The following SLC1A2 variants were observed in gnomAD, a reference collection of about 807,000 sequenced individuals.
The protein encoded by SLC1A2 is excitatory amino acid transporter 2.
In SLC1A2, 15 loss-of-function variants were observed where a neutral mutation model predicts 48.8. That is an observed-to-expected ratio of 0.31 (90% confidence interval 0.21 to 0.47). The LOEUF (loss-of-function observed/expected upper bound fraction) is 0.47. Ranked by LOEUF, SLC1A2 falls within the 20% of genes least tolerant of loss-of-function variation. SLC1A2 has a pLI of 0.99. For synonymous variants in SLC1A2, 279 were observed against 272.6 expected (o/e 1.02, Z -0.23); for missense variants, 502 against 730.5 (o/e 0.69, Z 3.61).
intron 1 of SLC1A2, among the ~76,000 whole-genome samples, chr11:35,373,018 G>C (rs965984914): frequency 6.6e-6 from 1 of 152,200 alleles, no homozygotes; most frequent in African/African-American, 2.4e-5. Context: ...TGGGGCATCT[G>C]GCTTCTGCCC....
chr11:35,349,009 G>A (rs1161273136), intron 1 of SLC1A2, among the ~76,000 whole-genome samples: 1 of 152,104 alleles, frequency 6.6e-6, no homozygotes, highest in East Asian at 1.9e-4. Context: ...CTTTTGGTTG[G>A]AAGAGGAAAG....
At chr11:35,349,154 T>A (rs1383571029) in intron 1 of SLC1A2, among the ~76,000 whole-genome samples, 1 of 151,776 alleles carries the variant, frequency 6.6e-6, no homozygotes, top group East Asian at 1.9e-4. Flanking sequence ...GAGGCAGGGA[T>A]GTAGATGGGG....
chr11:35,256,902 G>A lies in SLC1A2; in HGVS notation c.*3992C>T, dbSNP rs2134570228. ...TTGTTTTTCAGGAGTCAGAACTATG[G>A]AGAATTCTCTCTGAGCACGGATATA... On this transcript the variant is annotated 3_prime_UTR_variant, in exon 11 of 11. Coordinates refer to ENST00000278379, the MANE Select transcript of SLC1A2 (RefSeq NM_004171.4). The A allele has an allele frequency of 6.6e-6, 1 of 152,258 alleles. No homozygotes were observed. The highest frequency in any genetic ancestry group is 1.9e-4 in the East Asian group (1 of 5,186). The allele number at this position is 152,258 out of a possible 1,614,324, so 9.4% of individuals were successfully genotyped here.
intron 1 of SLC1A2, among the ~76,000 whole-genome samples, chr11:35,326,089 C>G (rs1199359849): frequency 6.6e-6 from 1 of 151,958 alleles, no homozygotes; most frequent in Non-Finnish European, 1.5e-5. Context: ...GCTGCCCTGA[C>G]CAAGGATGGT....
At chr11:35,386,397 C>T (rs980596067) in intron 1 of SLC1A2, among the ~76,000 whole-genome samples, 5 of 152,074 alleles carry the variant, frequency 3.3e-5, no homozygotes, top group Admixed American at 6.6e-5. Context: ...TACCTGTAGA[C>T]GTTGACACCC....
intron 1 of SLC1A2, among the ~76,000 whole-genome samples, chr11:35,350,556 A>G (rs1002740354): frequency 3.9e-5 from 6 of 152,234 alleles, no homozygotes; most frequent in Non-Finnish European, 7.3e-5. Flanking sequence ...AGGTCTCTCC[A>G]GTCAACATAT....
Position 35,254,782 on chromosome 11 carries a change from TG to T in SLC1A2, c.*6111del, listed in dbSNP as rs2134561068. ...AAGCAGTGAGGTCTGTTCCAATAGC[TG>T]GTTTTATTCTCAGCACAAAAGGGCC... On this transcript the variant is annotated 3_prime_UTR_variant, in exon 11 of 11. Transcript: ENST00000278379. The T allele has an allele frequency of 2.2e-6, 1 of 456,166 alleles. No homozygotes were observed. Among genetic ancestry groups the T allele is most frequent in the Non-Finnish European group, 4.4e-6 (1 of 226,928 alleles). 28.3% of individuals were successfully genotyped at this position (456,166 alleles called of 1,614,324 possible).
At chr11:35,307,632 G>T (rs1259571552) in intron 4 of SLC1A2, among the ~76,000 whole-genome samples, 3 of 152,236 alleles carry the variant, frequency 2.0e-5, no homozygotes, top group Non-Finnish European at 4.4e-5. Flanking sequence ...GTACGGGAAA[G>T]TCAAGTGACT....
In SLC1A2 at chr11:35,256,259, AC is replaced by A. The variant is rs1183816520; in HGVS notation, c.*4634del. On this transcript the variant is annotated 3_prime_UTR_variant, in exon 11 of 11. Transcript: ENST00000278379. ...GCTGTGTTATGCTACAAAGTTGGATACTATTTAATCAAGATTCTCTGTTATC... is the reference window on the plus strand; with the variant it reads ...GCTGTGTTATGCTACAAAGTTGGATATATTTAATCAAGATTCTCTGTTATC... 6.6e-6 allele frequency: 1 copy of A among 152,252 alleles called. No homozygotes were observed. Among genetic ancestry groups the A allele is most frequent in the East Asian group, 1.9e-4 (1 of 5,208 alleles). The allele number at this position is 152,252 out of a possible 1,614,324, so 9.4% of individuals were successfully genotyped here.
chr11:35,353,687 T>A (rs1255166010), intron 1 of SLC1A2, among the ~76,000 whole-genome samples: 1 of 152,224 alleles, frequency 6.6e-6, no homozygotes, highest in Admixed American at 6.5e-5. Context: ...AGGGTGGACA[T>A]GAGCTAGACC....
intron 1 of SLC1A2, among the ~76,000 whole-genome samples, chr11:35,397,180 T>C (rs1253598705): frequency 1.3e-5 from 2 of 150,348 alleles, no homozygotes; most frequent in Admixed American, 6.7e-5. Flanking sequence ...AAAAACTACT[T>C]TAAAGTTCAT....
At chr11:35,333,590 G>A (rs539558258) in intron 1 of SLC1A2, among the ~76,000 whole-genome samples, 7 of 152,080 alleles carry the variant, frequency 4.6e-5, no homozygotes, top group East Asian at 3.8e-4. Flanking sequence ...TGTTAATGAC[G>A]AAGAGTTGGA....
chr11:35,419,380 TGGCA>T lies in SLC1A2; in HGVS notation c.-418_-415del, dbSNP rs1565316116. The T allele has an allele frequency of 4.8e-6, 1 of 207,092 alleles. No homozygotes were observed. Among genetic ancestry groups the T allele is most frequent in the African/African-American group, 2.3e-5 (1 of 43,126 alleles). The allele number at this position is 207,092 out of a possible 1,614,324, so 12.8% of individuals were successfully genotyped here. ...GGCGAGTGGCGGGAGCAGAGAGTGG[TGGCA>T]GAGGACGGTGAGCGTGCGTGCGCGT... On this transcript the variant is annotated 5_prime_UTR_variant, in exon 1 of 11. Coordinates refer to ENST00000278379, the MANE Select transcript of SLC1A2 (RefSeq NM_004171.4). The surrounding 1 kb of genome is among the most constrained non-coding windows in gnomAD (Gnocchi z 5.4).
chr11:35,271,427 C>A (rs980772778), intron 9 of SLC1A2, among the ~76,000 whole-genome samples: 1 of 152,148 alleles, frequency 6.6e-6, no homozygotes, highest in Non-Finnish European at 1.5e-5. Context: ...GGCTGGAACA[C>A]TAAGGTCAAC....
At chr11:35,387,783 C>A (rs1854630198) in intron 1 of SLC1A2, among the ~76,000 whole-genome samples, 3 of 151,934 alleles carry the variant, frequency 2.0e-5, no homozygotes, top group South Asian at 4.2e-4. Context: ...TTCTCAGCTT[C>A]CCACTGCACC....
intron 9 of SLC1A2, among the ~76,000 whole-genome samples, chr11:35,278,776 T>C (rs936076510): frequency 3.3e-5 from 5 of 152,010 alleles, no homozygotes; most frequent in Non-Finnish European, 7.4e-5. Flanking sequence ...CTCAGCACTG[T>C]GGGAGGCTGA....
At chr11:35,289,298 T>C (rs570093924) in intron 7 of SLC1A2, among the ~76,000 whole-genome samples, 65 of 142,964 alleles carry the variant, frequency 4.5e-4, no homozygotes, top group African/African-American at 1.4e-3. Context: ...CCCTGGGTTT[T>C]ACATTTTTTT....
chr11:35,308,396 T>C (rs1490023131), intron 4 of SLC1A2, among the ~76,000 whole-genome samples: 5 of 152,160 alleles, frequency 3.3e-5, no homozygotes, highest in Admixed American at 2.0e-4. Flanking sequence ...ACAGAAGCTG[T>C]TCGGTTGCAC....
intron 1 of SLC1A2, among the ~76,000 whole-genome samples, chr11:35,339,560 C>T (rs1251995357): frequency 6.6e-6 from 1 of 152,136 alleles, no homozygotes; most frequent in Non-Finnish European, 1.5e-5. Flanking sequence ...CCTGGTGACT[C>T]ACAGGACCCT....
Sources: allele counts gnomAD v4.1 joint callset (sites outside exome capture counted in the v4.1 genomes callset), GRCh38; gene constraint gnomAD v4.1.1; non-coding constraint Gnocchi (gnomAD v3.1); transcripts MANE v1.5; gene names NCBI Gene and HGNC (gene_info 2026-07-23, HGNC 2026-07-21).